Variants in CDH13 observed in about 807,000 individuals in gnomAD.
CDH13 encodes the protein cadherin-13.
A neutral mutation model predicts 63.8 loss-of-function variants in CDH13; 24 were observed. The ratio of observed to expected loss-of-function variants is 0.38; its 90% CI spans 0.27 to 0.53. CDH13 has a LOEUF of 0.53. CDH13 is among the 20% of genes least tolerant of loss of function. The pLI is 0.85. For synonymous variants in CDH13, 503 were observed against 355.3 expected, an observed-to-expected ratio of 1.42 and a Z score of -4.67; for missense variants, 1,049 against 903.1, an observed-to-expected ratio of 1.16 and a Z score of -2.07.
chr16:82,792,954 G>A (rs192335281), intron 1 of CDH13, among the ~76,000 whole-genome samples: 45 of 152,322 alleles, frequency 3.0e-4, no homozygotes, highest in Admixed American at 2.3e-3. Context: ...ACTGTTATGC[G>A]AGGAAATAAT....
intron 7 of CDH13, among the ~76,000 whole-genome samples, chr16:83,558,988 A>T (rs4238694): frequency 6.6e-6 from 1 of 152,040 alleles, no homozygotes; most frequent in Non-Finnish European, 1.5e-5. Context: ...ACCTCCCTCA[A>T]TGGGGTCAGC....
intron 7 of CDH13, among the ~76,000 whole-genome samples, chr16:83,526,054 A>T (rs141361856): frequency 7.3e-4 from 111 of 152,274 alleles, no homozygotes; most frequent in African/African-American, 2.5e-3. Flanking sequence ...AAATTTACAG[A>T]TGTGTTAAGA....
chr16:83,194,630 A>G (rs2038821456), intron 4 of CDH13, among the ~76,000 whole-genome samples: 1 of 152,224 alleles, frequency 6.6e-6, no homozygotes, highest in African/African-American at 2.4e-5. Flanking sequence ...TCTTGGGTAA[A>G]AAGAAAACGA....
At chr16:82,991,515 G>A (rs1376096254) in intron 2 of CDH13, among the ~76,000 whole-genome samples, 2 of 152,022 alleles carry the variant, frequency 1.3e-5, no homozygotes, top group Admixed American at 1.3e-4. Context: ...TCTCTTTCCT[G>A]CCCAAGTCCA....
intron 7 of CDH13, among the ~76,000 whole-genome samples, chr16:83,526,143 A>G (rs1301143515): frequency 2.0e-5 from 3 of 152,248 alleles, no homozygotes; most frequent in African/African-American, 7.2e-5. Context: ...ACACCAGGAA[A>G]TGCTGCAGCC....
At chr16:83,469,711 C>G (rs1026203013) in intron 6 of CDH13, among the ~76,000 whole-genome samples, 1 of 152,164 alleles carries the variant, frequency 6.6e-6, no homozygotes, top group African/African-American at 2.4e-5. Flanking sequence ...TAGCACAGGG[C>G]CTGCCACAAA....
Position 83,265,011 on chromosome 16 carries a change from A to C in CDH13, c.636+47514A>C, listed in dbSNP as rs76646558. On this transcript the variant is annotated intron_variant, in intron 5 of 13. Coordinates refer to ENST00000567109, the MANE Select transcript of CDH13 (RefSeq NM_001257.5). ...TATCATTTTGTTTTTCCAGGTGTTA[A>C]TAATTATTTCTTCATTTGTTTAGTG... Among the ~76,000 whole-genome samples the C allele has an allele frequency of 9.0e-3, 1,370 of 152,192 alleles. 15 individuals are homozygous for C. The highest frequency in any genetic ancestry group is 0.031 in the African/African-American group (1,301 of 41,528).
At chr16:82,669,688 C>T (rs1913007815) in intron 1 of CDH13, among the ~76,000 whole-genome samples, 2 of 152,194 alleles carry the variant, frequency 1.3e-5, no homozygotes, top group Non-Finnish European at 1.5e-5. Flanking sequence ...GTTGGCAAAC[C>T]TTTTCCATAC....
chr16:82,809,824 T>G (rs1311213765), intron 1 of CDH13, among the ~76,000 whole-genome samples: 2 of 152,094 alleles, frequency 1.3e-5, no homozygotes, highest in Non-Finnish European at 2.9e-5. Flanking sequence ...TTAACAAAAA[T>G]AATTCTTTCT....
chr16:83,454,956 C>T (rs554987426), intron 6 of CDH13, among the ~76,000 whole-genome samples: 17 of 152,192 alleles, frequency 1.1e-4, no homozygotes, highest in East Asian at 1.9e-4. Context: ...GTGATCCACC[C>T]GCCTCAGCCT....
chr16:82,799,105 C>T (rs377440036), intron 1 of CDH13, among the ~76,000 whole-genome samples: 3 of 152,122 alleles, frequency 2.0e-5, no homozygotes, highest in Non-Finnish European at 4.4e-5. Flanking sequence ...CATGAAGATA[C>T]TGGAGAAGTC....
At chr16:83,293,099 A>C (rs1001685172) in intron 5 of CDH13, among the ~76,000 whole-genome samples, 1 of 152,192 alleles carries the variant, frequency 6.6e-6, no homozygotes, top group Non-Finnish European at 1.5e-5. Flanking sequence ...GTGTGATGTT[A>C]GATTCTATTT....
intron 7 of CDH13, among the ~76,000 whole-genome samples, chr16:83,520,484 C>A (rs1323614049): frequency 6.6e-6 from 1 of 152,102 alleles, no homozygotes; most frequent in East Asian, 1.9e-4. Flanking sequence ...TCTGAGGGAG[C>A]AAACACAGCT....
At chr16:83,656,896 G>A (rs4782550) in intron 8 of CDH13, among the ~76,000 whole-genome samples, 24,690 of 152,118 alleles carry the variant, frequency 0.16, 2,278 homozygotes, top group East Asian at 0.28. Context: ...GATCGACACT[G>A]CTGGTGGCTT....
At chr16:83,182,240 C>A (rs940642384) in intron 4 of CDH13, among the ~76,000 whole-genome samples, 2 of 152,182 alleles carry the variant, frequency 1.3e-5, no homozygotes, top group Admixed American at 6.5e-5. Context: ...GTCTCTTTCT[C>A]CTCATCTGGA....
chr16:82,808,059 G>A (rs2037243410), intron 1 of CDH13, among the ~76,000 whole-genome samples: 1 of 152,262 alleles, frequency 6.6e-6, no homozygotes. Context: ...AGGAGAGAGT[G>A]TAGTCAGAAG....
At chr16:83,326,384 A>G (rs930195159) in intron 5 of CDH13, among the ~76,000 whole-genome samples, 1 of 148,768 alleles carries the variant, frequency 6.7e-6, no homozygotes, top group Admixed American at 6.7e-5. Flanking sequence ...GAGAAACATC[A>G]TTGTCCTAAT....
At chr16:83,783,126 T>G in intron 12 of CDH13, 128 bp from the exon 13 acceptor site, 1 of 668,584 alleles carries the variant, frequency 1.5e-6, no homozygotes, top group Non-Finnish European at 2.6e-6. Flanking sequence ...TGAATTTAAA[T>G]GTAAGCATTC....
Position 83,413,290 on chromosome 16 carries a change from C to T in CDH13, c.781+68284C>T, listed in dbSNP as rs528827889. 3.5e-3 allele frequency among the ~76,000 whole-genome samples: 533 copies of T among 152,306 alleles called. 4 individuals carry two copies. Among genetic ancestry groups the T allele is most frequent in the African/African-American group, 0.011 (476 of 41,566 alleles). ...TCCCATAAAATAGCTTCAAATCTCA[C>T]AATCAATGATATTTTAAAGCAGCAC... is the stretch of plus-strand genomic sequence containing the variant. On this transcript the variant is annotated intron_variant, in intron 6 of 13. Transcript: ENST00000567109.
Sources: gnomAD v4.1 joint callset for allele counts (sites outside exome capture counted in the v4.1 genomes callset) on GRCh38, gnomAD v4.1.1 for gene constraint, MANE v1.5 for transcripts, NCBI Gene and HGNC (gene_info 2026-07-23, HGNC 2026-07-21) for gene names.